FREM3: variants seen among roughly 807,000 people sequenced by gnomAD.
The protein encoded by FREM3 is FRAS1 related extracellular matrix 3.
In FREM3, 105 loss-of-function variants were observed where a neutral mutation model predicts 129.1. That is an observed-to-expected ratio of 0.81 (90% CI 0.69 to 0.96). The LOEUF is 0.96. FREM3 is among the 40% of genes least tolerant of loss of function. The pLI, the probability that FREM3 is intolerant of heterozygous loss-of-function variation, is 0.00. For synonymous variants in FREM3, 1,014 were observed against 1,044.9 expected (o/e 0.97, Z 0.57); for missense variants, 2,593 against 2,666.3 (o/e 0.97, Z 0.61).
intron 4 of FREM3, among the ~76,000 whole-genome samples, chr4:143,621,945 C>T (rs1286424144): frequency 1.3e-5 from 2 of 152,038 alleles, no homozygotes; most frequent in East Asian, 1.9e-4. Context: ...GAGATTGTTC[C>T]GACTTATAGT....
At chr4:143,598,066 T>A (rs1285055930) in intron 6 of FREM3, among the ~76,000 whole-genome samples, 1 of 152,230 alleles carries the variant, frequency 6.6e-6, no homozygotes, top group Non-Finnish European at 1.5e-5. Flanking sequence ...ATGAGGGCTC[T>A]GCCCTCATGA....
rs370068505 is a variant in FREM3 at position 143,601,657 on chromosome 4, A to T, written c.6028+9622T>A. Among the ~76,000 whole-genome samples the T allele has an allele frequency of 2.6e-5, 4 of 152,292 alleles. No homozygotes were observed. In the East Asian group the frequency reaches 7.7e-4, roughly 29 times the overall value. ...CCAGGTGAATAAATGTAAAGTTGCCATTCATTCACTCAGCAAACATTTATT... is the reference window on the plus strand; with the variant it reads ...CCAGGTGAATAAATGTAAAGTTGCCTTTCATTCACTCAGCAAACATTTATT... On this transcript the variant is annotated intron_variant, in intron 6 of 7. Transcript: ENST00000329798.
Position 143,622,797 on chromosome 4 carries a change from A to G in FREM3, c.5653+1311T>C, listed in dbSNP as rs115306398. Among the ~76,000 whole-genome samples, 1,243 of 152,254 alleles carry G rather than the reference A, an allele frequency of 8.2e-3. 22 individuals are homozygous for G. The highest frequency in any genetic ancestry group is 0.029 in the African/African-American group (1,192 of 41,542). ...AAAGCCTGTTTCTATCTGCCTTCTA[A>G]TAAAAATCCCATTTACTTTTCAAGA... is the stretch of plus-strand genomic sequence containing the variant. On this transcript the variant is annotated intron_variant, in intron 4 of 7. Coordinates refer to ENST00000329798, the MANE Select transcript of FREM3 (RefSeq NM_001168235.2).
In FREM3 at chr4:143,700,550, C is replaced by G. The variant is rs779584724; in HGVS notation, c.126G>C (p.Pro42=). Reference sequence around the variant, plus strand: ...CACCCCGGGCGGGCAGGTAAAGCGCCGGGTCGGGCTCGGTCCCAAGTGAGG... The same window carrying G: ...CACCCCGGGCGGGCAGGTAAAGCGCGGGGTCGGGCTCGGTCCCAAGTGAGG... ...RASSLGTEPD[P]ALYLPARGAL... The change falls in exon 1 of 8, where the codon CCG becomes CCC. Residue 42 remains proline (P), a synonymous_variant. Transcript: ENST00000329798. The G allele has an allele frequency of 3.8e-5, 58 of 1,518,352 alleles. No homozygotes were observed. In the African/African-American group the frequency reaches 5.0e-4, roughly 13 times the overall value. 94.1% of individuals were successfully genotyped at this position (1,518,352 alleles called of 1,614,324 possible). A position where few individuals can be genotyped will look rare whatever the true frequency, so the allele number is the denominator to read the frequency against.
chr4:143,653,587 A>G (rs949711376), intron 2 of FREM3, among the ~76,000 whole-genome samples: 1 of 152,158 alleles, frequency 6.6e-6, no homozygotes, highest in Non-Finnish European at 1.5e-5. Flanking sequence ...CATATCCATC[A>G]CCTTTAACAT....
chr4:143,621,195 A>G, intron 4 of FREM3, 33 bp from the exon 5 acceptor site: 1 of 1,534,634 alleles, frequency 6.5e-7, no homozygotes, highest in South Asian at 1.2e-5. Context: ...TTTCACCAAG[A>G]TTTAGATTTG....
chr4:143,663,106 C>G (rs6838907), intron 2 of FREM3, among the ~76,000 whole-genome samples: 19,840 of 151,792 alleles, frequency 0.13, 1,573 homozygotes, highest in African/African-American at 0.21. Flanking sequence ...ATTGTTATGT[C>G]TGTATTTGGT....
intron 2 of FREM3, among the ~76,000 whole-genome samples, chr4:143,679,225 C>T (rs1343794832): frequency 1.3e-5 from 2 of 152,298 alleles, no homozygotes; most frequent in Admixed American, 1.3e-4. Context: ...AACACTTTCA[C>T]TTGGAGGTAC....
intron 7 of FREM3, 31 bp from the exon 8 acceptor site, chr4:143,577,883 CAGT>C (rs1738068671): frequency 6.6e-7 from 1 of 1,519,526 alleles, no homozygotes; most frequent in Non-Finnish European, 8.8e-7. Flanking sequence ...ACTGGTGAGA[CAGT>C]AGGATTTGTC....
intron 2 of FREM3, among the ~76,000 whole-genome samples, chr4:143,677,825 C>G (rs1338314908): frequency 6.6e-6 from 1 of 152,170 alleles, no homozygotes; most frequent in East Asian, 1.9e-4. Flanking sequence ...AAATGCAAAT[C>G]AAAACCACAG....
intron 2 of FREM3, among the ~76,000 whole-genome samples, chr4:143,649,062 C>T (rs968813096): frequency 6.6e-6 from 1 of 152,124 alleles, no homozygotes; most frequent in African/African-American, 2.4e-5. Context: ...CCAAAGCTGG[C>T]CAGCTTTTTT....
intron 2 of FREM3, among the ~76,000 whole-genome samples, chr4:143,659,921 A>C (rs943445664): frequency 6.6e-6 from 1 of 151,252 alleles, no homozygotes; most frequent in Admixed American, 6.6e-5. Flanking sequence ...CCACTTTTTG[A>C]TGGGGTTGTT....
At chr4:143,674,681 A>G (rs1740073035) in intron 2 of FREM3, among the ~76,000 whole-genome samples, 1 of 152,192 alleles carries the variant, frequency 6.6e-6, no homozygotes, top group Admixed American at 6.5e-5. Flanking sequence ...GACTCAAAAT[A>G]AAGGGATGGA....
chr4:143,695,913 T>C lies in FREM3; in HGVS notation c.4763A>G (p.Asn1588Ser). ...QVPMHGKILY[N>S]GSRPVTTFTK... ...GAAAGTGGTCACGGGACGGCTACCATTGTACAAAATCTTGCCATGCATGGG... is the reference window on the plus strand; with the variant it reads ...GAAAGTGGTCACGGGACGGCTACCACTGTACAAAATCTTGCCATGCATGGG... The change falls in exon 1 of 8, where the codon AAT (asparagine) becomes AGT (serine). Residue 1588 changes from asparagine to serine, a missense_variant. Transcript: ENST00000329798. 3 of 1,537,756 alleles carry C rather than the reference T, an allele frequency of 2.0e-6. No homozygotes were observed. The highest frequency in any genetic ancestry group is 2.6e-6 in the Non-Finnish European group (3 of 1,147,036).
At chr4:143,628,797 C>T (rs1225701616) in intron 2 of FREM3, among the ~76,000 whole-genome samples, 1 of 152,142 alleles carries the variant, frequency 6.6e-6, no homozygotes, top group East Asian at 1.9e-4. Context: ...TTCAGTGAAC[C>T]TCCTGGAGAG....
chr4:143,598,173 A>G (rs999897921), intron 6 of FREM3, among the ~76,000 whole-genome samples: 1 of 152,228 alleles, frequency 6.6e-6, no homozygotes, highest in Non-Finnish European at 1.5e-5. Context: ...CATTCAGTCC[A>G]CTGCAGTGGC....
intron 2 of FREM3, among the ~76,000 whole-genome samples, chr4:143,691,504 A>G (rs6537169): frequency 0.021 from 3,212 of 152,314 alleles, 141 homozygotes; most frequent in African/African-American, 0.074. Flanking sequence ...CAGAACTGTA[A>G]GATGACAGAT....
intron 2 of FREM3, among the ~76,000 whole-genome samples, chr4:143,677,134 T>G (rs2149857906): frequency 6.6e-6 from 1 of 152,282 alleles, no homozygotes; most frequent in Non-Finnish European, 1.5e-5. Context: ...GCTACCTGAC[T>G]TCAGACTATA....
Position 143,697,219 on chromosome 4 carries a change from G to A in FREM3, c.3457C>T (p.Gln1153Ter). The A allele has an allele frequency of 6.5e-7, 1 of 1,537,716 alleles. No homozygotes were observed. The highest frequency in any genetic ancestry group is 8.7e-7 in the Non-Finnish European group (1 of 1,146,970). Residue 1153 changes from glutamine to a stop codon, truncating the protein, a stop_gained, in exon 1 of 8, where the codon CAG becomes TAG. Coordinates refer to ENST00000329798, the MANE Select transcript of FREM3 (RefSeq NM_001168235.2). LOFTEE classifies it high-confidence loss of function. ...GGCTCTACTCCCTTGTGAATACTCT[G>A]TACATAATTGATATGCCTCACTTGG... ...DIQVRHINYV[Q>*]SIHKGVEPQE... is the part of the protein sequence containing the mutation.
Sources: allele counts gnomAD v4.1 joint callset (sites outside exome capture counted in the v4.1 genomes callset), GRCh38; gene constraint gnomAD v4.1.1; transcripts MANE v1.5; gene names NCBI Gene and HGNC (gene_info 2026-07-23, HGNC 2026-07-21).